PTPN2: variants seen among roughly 807,000 people sequenced by gnomAD.
The protein encoded by PTPN2 is tyrosine-protein phosphatase non-receptor type 2.
In PTPN2, 19 loss-of-function variants were observed where a neutral mutation model predicts 57.3. That is an observed-to-expected ratio of 0.33 (90% CI 0.23 to 0.49). PTPN2 has a LOEUF of 0.49. Among genes scored for constraint, PTPN2 ranks in the 20% least tolerant of loss-of-function variants. The pLI, the probability that PTPN2 is intolerant of heterozygous loss-of-function variation, is 0.99. For synonymous variants in PTPN2, 153 were observed against 164.9 expected (o/e 0.93, Z 0.55); for missense variants, 358 against 501.1 (o/e 0.71, Z 2.73).
chr18:12,843,383 T>C (rs1030536690), intron 2 of PTPN2, among the ~76,000 whole-genome samples: 2 of 152,144 alleles, frequency 1.3e-5, no homozygotes, highest in African/African-American at 4.8e-5. Flanking sequence ...ACCTTAAACA[T>C]TTAAAGGAAT....
At chr18:12,804,522 A>G (rs1207752637) in intron 7 of PTPN2, among the ~76,000 whole-genome samples, 1 of 151,924 alleles carries the variant, frequency 6.6e-6, no homozygotes, top group African/African-American at 2.4e-5. Flanking sequence ...GACTAAGAAA[A>G]AAAAAAGACT....
chr18:12,838,536 G>C (rs1476496306), intron 2 of PTPN2, among the ~76,000 whole-genome samples: 1 of 152,152 alleles, frequency 6.6e-6, no homozygotes, highest in Admixed American at 6.5e-5. Flanking sequence ...CACCAGAAAA[G>C]CCCAGATCCA....
intron 1 of PTPN2, among the ~76,000 whole-genome samples, chr18:12,873,263 C>T (rs570947161): frequency 2.0e-5 from 3 of 151,744 alleles, no homozygotes; most frequent in African/African-American, 4.8e-5. Flanking sequence ...TCTGCCTCCT[C>T]TCCCTCTCCC....
At chr18:12,810,296 G>A (rs2041847000) in intron 7 of PTPN2, among the ~76,000 whole-genome samples, 1 of 152,070 alleles carries the variant, frequency 6.6e-6, no homozygotes, top group East Asian at 1.9e-4. Flanking sequence ...TCTGGGAGGC[G>A]GAGGTTGCAG....
At chr18:12,836,660 C>T (rs1285356735) in intron 3 of PTPN2, 131 bp downstream of exon 3, 1 of 605,636 alleles carries the variant, frequency 1.7e-6, no homozygotes, top group Non-Finnish European at 2.9e-6. Flanking sequence ...TAATTCATTA[C>T]ATCGTCAGAA....
chr18:12,848,832 C>T (rs1330969367), intron 2 of PTPN2, among the ~76,000 whole-genome samples: 1 of 152,216 alleles, frequency 6.6e-6, no homozygotes, highest in Non-Finnish European at 1.5e-5. Flanking sequence ...ACAGATAAAA[C>T]TTTTATACTT....
rs766576211 is a variant in PTPN2 at position 12,859,165 on chromosome 18, T to C, written c.159A>G (p.Pro53=). 9.9e-6 allele frequency: 16 copies of C among 1,610,806 alleles called. No homozygotes were observed. The highest frequency in any genetic ancestry group is 2.2e-5 in the East Asian group (1 of 44,812). Residue 53 remains proline, a splice_region_variant and synonymous_variant, in exon 2 of 9, where the codon CCA becomes CCG. Transcript: ENST00000309660. ...RNRNRYRDVS[P]YDHSRVKLQN... The stretch of plus-strand genomic sequence containing the variant: ...GCACACAAACCCACAAGTACTTACA[T>C]GGGCTTACATCTCTGTATCTGTTTC...
At chr18:12,829,099 T>C (rs1420809615) in intron 4 of PTPN2, among the ~76,000 whole-genome samples, 1 of 152,116 alleles carries the variant, frequency 6.6e-6, no homozygotes, top group Non-Finnish European at 1.5e-5. Flanking sequence ...AGTTTCACCA[T>C]GTTGCCCAGG....
At chr18:12,874,076 G>A (rs1243361261) in intron 1 of PTPN2, among the ~76,000 whole-genome samples, 1 of 151,870 alleles carries the variant, frequency 6.6e-6, no homozygotes, top group Non-Finnish European at 1.5e-5. Context: ...GAGAAGTGAG[G>A]AGCCCCTCCG....
At chr18:12,846,351 A>G (rs2043205029) in intron 2 of PTPN2, among the ~76,000 whole-genome samples, 1 of 152,232 alleles carries the variant, frequency 6.6e-6, no homozygotes, top group African/African-American at 2.4e-5. Flanking sequence ...TATCCATTTC[A>G]ATATTTATTA....
At chr18:12,883,446 C>G (rs921740810) in intron 1 of PTPN2, among the ~76,000 whole-genome samples, 1 of 152,160 alleles carries the variant, frequency 6.6e-6, no homozygotes, top group African/African-American at 2.4e-5. Flanking sequence ...CCCCAACCAC[C>G]GCGGCTCCGC....
At chr18:12,884,021 G>A in intron 1 of PTPN2, 52 bp downstream of exon 1, 1 of 1,477,360 alleles carries the variant, frequency 6.8e-7, no homozygotes, top group Non-Finnish European at 9.2e-7. Flanking sequence ...GACAGGGCAC[G>A]AGTCCGGGTC....
chr18:12,807,884 A>T (rs115215574), intron 7 of PTPN2, among the ~76,000 whole-genome samples: 5 of 151,950 alleles, frequency 3.3e-5, no homozygotes, highest in African/African-American at 9.7e-5. Context: ...ACTATGGTTA[A>T]TAATATTTAA....
intron 2 of PTPN2, among the ~76,000 whole-genome samples, chr18:12,846,269 A>G (rs2145429064): frequency 6.6e-6 from 1 of 152,302 alleles, no homozygotes; most frequent in Non-Finnish European, 1.5e-5. Context: ...TTTAATAAGT[A>G]TTTTGTAAAG....
intron 1 of PTPN2, chr18:12,883,685 A>T (rs1260276706): frequency 5.9e-6 from 1 of 170,736 alleles, no homozygotes; most frequent in Admixed American, 6.3e-5. Context: ...GCGGCGTGGG[A>T]GCTACGGCGA....
chr18:12,883,400 C>T (rs966699261), intron 1 of PTPN2, among the ~76,000 whole-genome samples: 4 of 152,212 alleles, frequency 2.6e-5, no homozygotes, highest in Admixed American at 6.5e-5. Context: ...ACGGAGGGTC[C>T]CGAGAGCGCT....
At chr18:12,819,924 G>A (rs2042215354) in intron 5 of PTPN2, among the ~76,000 whole-genome samples, 1 of 152,186 alleles carries the variant, frequency 6.6e-6, no homozygotes, top group South Asian at 2.1e-4. Context: ...GCGGCCACCA[G>A]CAGGACCAGA....
At chr18:12,804,286 T>A (rs1598745906) in intron 7 of PTPN2, among the ~76,000 whole-genome samples, 1 of 32,054 alleles carries the variant, frequency 3.1e-5, no homozygotes. Context: ...AGTGAAACTG[T>A]CTCAAAAAAA....
intron 3 of PTPN2, among the ~76,000 whole-genome samples, chr18:12,833,829 T>C (rs969840344): frequency 3.3e-5 from 5 of 151,886 alleles, no homozygotes; most frequent in African/African-American, 1.2e-4. Context: ...TCAATCCCAA[T>C]GAGAAAAATA....
Sources: allele counts gnomAD v4.1 joint callset (sites outside exome capture counted in the v4.1 genomes callset), GRCh38; gene constraint gnomAD v4.1.1; transcripts MANE v1.5; gene names NCBI Gene and HGNC (gene_info 2026-07-23, HGNC 2026-07-21).